GGTA1: variants seen among roughly 807,000 people sequenced by gnomAD.
The protein encoded by GGTA1 is glycoprotein alpha-galactosyltransferase 1 (inactive).
In GGTA1, 5 loss-of-function variants were observed where a neutral mutation model predicts 2.6. The ratio of observed to expected loss-of-function variants is 1.92; its 90% CI spans 1.00 to 4.04. GGTA1 has a LOEUF of 4.04. GGTA1 is among the 30% of genes most tolerant of loss of function. The pLI, the probability that GGTA1 is intolerant of heterozygous loss-of-function variation, is 0.00. For missense variants in GGTA1, 50 were observed against 16.7 expected, an observed-to-expected ratio of 2.99 and a Z score of -3.47; for synonymous variants, 17 against 5.0, an observed-to-expected ratio of 3.38 and a Z score of -3.19.
chr9:121,497,463 A>T (rs999861032), intron 1 of GGTA1, among the ~76,000 whole-genome samples: 1 of 152,038 alleles, frequency 6.6e-6, no homozygotes, highest in Non-Finnish European at 1.5e-5. Context: ...CTGCATTCAA[A>T]TCCTAGCTGC....
At chr9:121,475,483 C>A (rs1828490601) in intron 1 of GGTA1, among the ~76,000 whole-genome samples, 1 of 152,260 alleles carries the variant, frequency 6.6e-6, no homozygotes, top group South Asian at 2.1e-4. Flanking sequence ...TGAGTGAAAT[C>A]CAAGAACCCT....
rs34446366 is a variant in GGTA1, at chr9:121,477,573, C to CTTT, written c.-9-9645_-9-9643dup. Among the ~76,000 whole-genome samples the CTTT allele has an allele frequency of 2.2e-3, 228 of 101,476 alleles. 5 individuals are homozygous for CTTT. Among genetic ancestry groups the CTTT allele is most frequent in the Non-Finnish European group, 2.5e-3 (146 of 57,736 alleles). The allele number at this position is 101,476 out of a possible 152,430, so 66.6% of individuals were successfully genotyped here. ...ACCTAACATTGCATTTGCAACCTTG[C>CTTT]TTTTTTTTTTTTTTTTTTTTGAGAC... is the stretch of plus-strand genomic sequence containing the variant. On this transcript the variant is annotated intron_variant, in intron 1 of 5. Coordinates refer to ENST00000481799, the MANE Select transcript of GGTA1 (RefSeq NM_001382585.1).
At chr9:121,479,314 G>A (rs1156346993) in intron 1 of GGTA1, 1 of 358,568 alleles carries the variant, frequency 2.8e-6, no homozygotes, top group African/African-American at 2.1e-5. Context: ...TCAGAGAAAG[G>A]GAAGGTGCTG....
chr9:121,468,173 C>T (rs1424923361), intron 1 of GGTA1, among the ~76,000 whole-genome samples: 2 of 152,188 alleles, frequency 1.3e-5, no homozygotes, highest in African/African-American at 4.8e-5. Flanking sequence ...TCCCCTAGCC[C>T]CCCATCCCCT....
At chr9:121,472,976 C>G (rs1222681853) in intron 1 of GGTA1, among the ~76,000 whole-genome samples, 1 of 152,122 alleles carries the variant, frequency 6.6e-6, no homozygotes, top group Admixed American at 6.6e-5. Flanking sequence ...TGGAGCTTAT[C>G]TATGGCTTGA....
chr9:121,481,246 C>T (rs922544855), intron 1 of GGTA1, among the ~76,000 whole-genome samples: 6 of 151,922 alleles, frequency 3.9e-5, no homozygotes, highest in Non-Finnish European at 7.4e-5. Context: ...ATCACCTAGT[C>T]CCACAATGGG....
intron 5 of GGTA1, among the ~76,000 whole-genome samples, chr9:121,458,472 C>CA (rs1564651111): frequency 6.6e-6 from 1 of 151,308 alleles, no homozygotes; most frequent in Non-Finnish European, 1.5e-5. Context: ...ACAAAAAATA[C>CA]AAAAATTAGC....
chr9:121,459,819 C>G (rs140713727), intron 5 of GGTA1, among the ~76,000 whole-genome samples: 1 of 152,360 alleles, frequency 6.6e-6, no homozygotes, highest in African/African-American at 2.4e-5. Context: ...CCCTGTGAGA[C>G]CATGAACTTC....
chr9:121,460,639 G>A (rs1355686572), intron 4 of GGTA1, among the ~76,000 whole-genome samples: 1 of 152,164 alleles, frequency 6.6e-6, no homozygotes, highest in East Asian at 1.9e-4. Context: ...CCTGTCAGGA[G>A]TTAGAGACCA....
intron 7 of GGTA1, among the ~76,000 whole-genome samples, chr9:121,449,562 C>G (rs1405591539): frequency 6.6e-6 from 1 of 152,180 alleles, no homozygotes; most frequent in Non-Finnish European, 1.5e-5. Context: ...TCTCCCATTG[C>G]CGGGCACGGT....
intron 5 of GGTA1, among the ~76,000 whole-genome samples, chr9:121,456,699 A>C (rs2064914260): frequency 6.6e-6 from 1 of 152,018 alleles, no homozygotes; most frequent in South Asian, 2.1e-4. Context: ...TACAGGCGTG[A>C]GCTACCATGC....
downstream of GGTA1, among the ~76,000 whole-genome samples, chr9:121,450,784 A>C: frequency 6.6e-6 from 1 of 152,216 alleles, no homozygotes. Flanking sequence ...TCAAAACTCC[A>C]CAGTCACCTT....
chr9:121,473,530 C>G (rs1828439613), intron 1 of GGTA1, among the ~76,000 whole-genome samples: 1 of 152,016 alleles, frequency 6.6e-6, no homozygotes, highest in Non-Finnish European at 1.5e-5. Context: ...CATTTGGCAG[C>G]CATTGTGGTC....
chr9:121,447,509 C>T (rs2064857697), exon 8 of GGTA1: 1 of 152,554 alleles, frequency 6.6e-6, no homozygotes, highest in Non-Finnish European at 1.5e-5. Context: ...GAGACATCAT[C>T]CACCATGATG....
chr9:121,457,042 A>T (rs1290352045), intron 5 of GGTA1, among the ~76,000 whole-genome samples: 1 of 152,216 alleles, frequency 6.6e-6, no homozygotes, highest in South Asian at 2.1e-4. Flanking sequence ...AGAAAAGCTG[A>T]TGGCAACATG....
At chr9:121,481,441 C>G (rs1222855093) in intron 1 of GGTA1, among the ~76,000 whole-genome samples, 1 of 151,886 alleles carries the variant, frequency 6.6e-6, no homozygotes, top group Non-Finnish European at 1.5e-5. Context: ...AATCCCAGCA[C>G]TTTGGGAGGC....
chr9:121,454,264 G>A (rs939880614), downstream of GGTA1, among the ~76,000 whole-genome samples: 1 of 152,154 alleles, frequency 6.6e-6, no homozygotes, highest in Non-Finnish European at 1.5e-5. Context: ...CCTGTGCCAG[G>A]CACCCACCAC....
chr9:121,490,128 T>C (rs1216387129), intron 1 of GGTA1, among the ~76,000 whole-genome samples: 3 of 152,240 alleles, frequency 2.0e-5, no homozygotes, highest in Admixed American at 2.0e-4. Context: ...GTTGGTTCTC[T>C]TTCCCTCGAG....
intron 1 of GGTA1, among the ~76,000 whole-genome samples, chr9:121,495,733 A>G (rs1164591577): frequency 6.6e-6 from 1 of 152,184 alleles, no homozygotes; most frequent in Non-Finnish European, 1.5e-5. Context: ...TTAGCATGGA[A>G]CTAAACTCAT....
Sources: gnomAD v4.1 joint callset for allele counts (sites outside exome capture counted in the v4.1 genomes callset) on GRCh38, gnomAD v4.1.1 for gene constraint, MANE v1.5 for transcripts, NCBI Gene and HGNC (gene_info 2026-07-23, HGNC 2026-07-21) for gene names.